The following ITGA8 variants were observed in gnomAD, a reference collection of about 807,000 sequenced individuals.
ITGA8 encodes the protein integrin subunit alpha 8, also known as integrin alpha-8.
In ITGA8, 91 loss-of-function variants were observed where a neutral mutation model predicts 142.3. That is an observed-to-expected ratio of 0.64 (90% CI 0.54 to 0.76). The LOEUF is 0.76. Ranked by LOEUF, ITGA8 falls within the 30% of genes least tolerant of loss-of-function variation. The probability of loss-of-function intolerance (pLI) is 0.00; values close to 1 mark genes in which losing one functional copy is unlikely to be tolerated. For synonymous variants in ITGA8, 505 were observed against 485.2 expected, an observed-to-expected ratio of 1.04 and a Z score of -0.54; for missense variants, 1,406 against 1,327.7, an observed-to-expected ratio of 1.06 and a Z score of -0.92.
At chr10:15,560,000 A>G (rs1259927775) in intron 25 of ITGA8, among the ~76,000 whole-genome samples, 1 of 152,018 alleles carries the variant, frequency 6.6e-6, no homozygotes, top group Non-Finnish European at 1.5e-5. Flanking sequence ...TTAAAAAGAT[A>G]TTATGAGCCA....
intron 27 of ITGA8, among the ~76,000 whole-genome samples, chr10:15,539,504 G>T (rs1034115497): frequency 6.6e-6 from 1 of 152,048 alleles, no homozygotes; most frequent in Non-Finnish European, 1.5e-5. Flanking sequence ...ACCCAATACT[G>T]CGGGTCATTA....
chr10:15,561,566 C>A (rs567717589), intron 25 of ITGA8, among the ~76,000 whole-genome samples: 1 of 152,138 alleles, frequency 6.6e-6, no homozygotes, highest in Admixed American at 6.5e-5. Context: ...ACTGCACTTA[C>A]TGTTTGTTTT....
intron 13 of ITGA8, among the ~76,000 whole-genome samples, chr10:15,643,361 C>T (rs1181402314): frequency 6.6e-6 from 1 of 152,150 alleles, no homozygotes; most frequent in African/African-American, 2.4e-5. Flanking sequence ...CTCAGTGCAG[C>T]CTCCGCCTCC....
intron 22 of ITGA8, among the ~76,000 whole-genome samples, chr10:15,587,640 T>C (rs573741487): frequency 6.6e-6 from 1 of 152,328 alleles, no homozygotes; most frequent in East Asian, 1.9e-4. Flanking sequence ...ACCCTGAATA[T>C]AGACCCAAGG....
chr10:15,646,547 T>C (rs1320684293), intron 12 of ITGA8, among the ~76,000 whole-genome samples: 1 of 152,180 alleles, frequency 6.6e-6, no homozygotes, highest in Non-Finnish European at 1.5e-5. Flanking sequence ...GGAGATCAAT[T>C]ATACTAAATT....
chr10:15,605,940 A>C (rs1588670941), intron 18 of ITGA8, 149 bp from the exon 19 acceptor site: 1 of 682,044 alleles, frequency 1.5e-6, no homozygotes, highest in Non-Finnish European at 2.6e-6. Flanking sequence ...TACATTTCAC[A>C]GTGACCTCCC....
chr10:15,689,306 TAACTTAAGGAGATCGCTGGAG>T (rs1834889399), intron 2 of ITGA8, among the ~76,000 whole-genome samples: 1 of 152,168 alleles, frequency 6.6e-6, no homozygotes, highest in African/African-American at 2.4e-5. Flanking sequence ...GCAACCAGAC[TAACTTAAGGAGATCGCTGGAG>T]AACAGCAAGG....
chr10:15,548,313 G>A (rs751091363), intron 27 of ITGA8, 142 bp downstream of exon 27: 29 of 623,672 alleles, frequency 4.6e-5, no homozygotes, highest in East Asian at 3.6e-4. Flanking sequence ...GGCTTGTCTC[G>A]AGCTCCTGGC....
intron 15 of ITGA8, among the ~76,000 whole-genome samples, chr10:15,612,055 T>C (rs1025307181): frequency 6.6e-6 from 1 of 152,186 alleles, no homozygotes; most frequent in Non-Finnish European, 1.5e-5. Flanking sequence ...CATTTAATCA[T>C]GCAGGGGTAA....
chr10:15,602,039 C>T (rs1412112766), intron 20 of ITGA8, among the ~76,000 whole-genome samples: 1 of 152,180 alleles, frequency 6.6e-6, no homozygotes, highest in Non-Finnish European at 1.5e-5. Flanking sequence ...CAAAGATAGA[C>T]TCCTAAGTGC....
At chr10:15,579,484 G>A (rs1425027711) in intron 23 of ITGA8, among the ~76,000 whole-genome samples, 1 of 151,908 alleles carries the variant, frequency 6.6e-6, no homozygotes, top group African/African-American at 2.4e-5. Flanking sequence ...ACATTTCCCA[G>A]TTTTAAATTT....
At chr10:15,559,605 G>A (rs2131569494) in intron 25 of ITGA8, among the ~76,000 whole-genome samples, 1 of 152,262 alleles carries the variant, frequency 6.6e-6, no homozygotes, top group African/African-American at 2.4e-5. Flanking sequence ...GCCAAATCCT[G>A]CAGAGAAGTA....
At position 15,719,547 on chromosome 10, in the gene ITGA8, G is replaced by T. The variant is rs768132643; in HGVS notation, c.209+16C>A. ...CCTTCGTCCCCGCGCGCACCTCCCCGGGTCGGGCGACTTACGTGCGGGCGT... is the reference window on the plus strand; with the variant it reads ...CCTTCGTCCCCGCGCGCACCTCCCCTGGTCGGGCGACTTACGTGCGGGCGT... On this transcript the variant is annotated intron_variant, in intron 1 of 29. Transcript: ENST00000378076. The T allele has an allele frequency of 1.3e-6, 2 of 1,543,738 alleles. No individual in the cohort carries two copies. The highest frequency in any genetic ancestry group is 4.1e-5 in the Admixed American group (2 of 48,256).
At chr10:15,636,072 C>T (rs971978462) in intron 13 of ITGA8, among the ~76,000 whole-genome samples, 2 of 152,088 alleles carry the variant, frequency 1.3e-5, no homozygotes, top group Non-Finnish European at 2.9e-5. Context: ...ATAGTCTTGG[C>T]CTTCTGCCCA....
intron 7 of ITGA8, among the ~76,000 whole-genome samples, chr10:15,671,957 G>C: frequency 6.6e-6 from 1 of 151,536 alleles, no homozygotes; most frequent in South Asian, 2.1e-4. Flanking sequence ...TCCACCTTGA[G>C]AGTAAATGGT....
At chr10:15,531,219 C>CTAAT (rs1240996838) in intron 27 of ITGA8, 68 bp from the exon 28 acceptor site, 2 of 788,520 alleles carry the variant, frequency 2.5e-6, no homozygotes, top group African/African-American at 3.7e-5. Context: ...TGGCAGCCAC[C>CTAAT]TAATTATTTT....
chr10:15,674,481 C>T (rs1331928309), intron 6 of ITGA8, among the ~76,000 whole-genome samples: 1 of 152,108 alleles, frequency 6.6e-6, no homozygotes, highest in Non-Finnish European at 1.5e-5. Context: ...AGAAGAAAAC[C>T]TTCCGTAAAT....
chr10:15,536,152 G>C (rs1833431604), intron 27 of ITGA8, among the ~76,000 whole-genome samples: 1 of 152,158 alleles, frequency 6.6e-6, no homozygotes, highest in African/African-American at 2.4e-5. Context: ...CTTCGTTCTT[G>C]AAGTCGGTGA....
chr10:15,572,344 A>G lies in ITGA8; in HGVS notation c.2504T>C (p.Ile835Thr), dbSNP rs753985282. Residue 835 changes from isoleucine to threonine, a missense_variant, in exon 25 of 30, where the codon ATC becomes ACC. By Grantham distance (89) the Ile-to-Thr change is moderately conservative. Transcript: ENST00000378076. ...GCCCACCTCCAGGATGGTGTCACTG[A>G]TGGTACTTGGTCCAATATTGTGCAG... is the stretch of plus-strand genomic sequence containing the variant. ...YELHNIGPST[I>T]SDTILEVGWP... The G allele has an allele frequency of 9.0e-5, 146 of 1,613,786 alleles. No individual in the cohort carries two copies. The highest frequency in any genetic ancestry group is 1.1e-4 in the Non-Finnish European group (131 of 1,179,890).
Sources: gnomAD v4.1 joint callset for allele counts (sites outside exome capture counted in the v4.1 genomes callset) on GRCh38, gnomAD v4.1.1 for gene constraint, MANE v1.5 for transcripts, NCBI Gene and HGNC (gene_info 2026-07-23, HGNC 2026-07-21) for gene names.